The following POLQ variants were observed in gnomAD, a reference collection of about 807,000 sequenced individuals.
POLQ encodes DNA polymerase theta, also known as epididymis secretory sperm binding protein.
Under a neutral mutation model 259.2 loss-of-function variants are expected in POLQ, and 233 were observed. The observed-to-expected ratio is 0.90, with a 90% CI of 0.81 to 1.00. The LOEUF is 1.00. POLQ is among the 50% of genes least tolerant of loss of function. POLQ has a pLI of 0.00. For synonymous variants in POLQ, 1,025 were observed against 1,048.8 expected, an observed-to-expected ratio of 0.98 and a Z score of 0.44; for missense variants, 2,871 against 3,051.6, an observed-to-expected ratio of 0.94 and a Z score of 1.39.
At chr3:121,517,554 C>T (rs917047257) in intron 9 of POLQ, among the ~76,000 whole-genome samples, 1 of 152,116 alleles carries the variant, frequency 6.6e-6, no homozygotes, top group Non-Finnish European at 1.5e-5. Context: ...TTATATTTCC[C>T]AGCCTCTCTT....
Position 121,545,909 on chromosome 3 carries a change from C to T in POLQ, c.-32G>A. On this transcript the variant is annotated 5_prime_UTR_variant, in exon 1 of 30. Coordinates refer to ENST00000264233, the MANE Select transcript of POLQ (RefSeq NM_199420.4). ...CTCTTCTCGGCCGATCAGGGCAAGC[C>T]ACAGTCCCAGCGTCCTCCCTCTCGG... The T allele has an allele frequency of 8.1e-6, 13 of 1,612,642 alleles. No homozygotes were observed. Among genetic ancestry groups the T allele is most frequent in the Non-Finnish European group, 1.1e-5 (13 of 1,179,528 alleles).
chr3:121,481,564 G>A lies in POLQ; in HGVS notation c.6211+8C>T, dbSNP rs2047970148. The stretch of plus-strand genomic sequence containing the variant: ...ATAACATAAAAATGCCAGAAACTTG[G>A]TTTTTACCTTGAAGGTTTTCCTTCT... On this transcript the variant is annotated splice_region_variant and intron_variant, in intron 19 of 29. Transcript: ENST00000264233. 6.3e-7 allele frequency: 1 copy of A among 1,578,290 alleles called. No homozygotes were observed. Among genetic ancestry groups the A allele is most frequent in the Non-Finnish European group, 8.6e-7 (1 of 1,161,382 alleles).
intron 20 of POLQ, 34 bp downstream of exon 20, chr3:121,476,506 T>G: frequency 6.8e-7 from 1 of 1,468,132 alleles, no homozygotes; most frequent in Non-Finnish European, 9.4e-7. Flanking sequence ...ACTCTAAAAA[T>G]TATGTATCTA....
intron 25 of POLQ, among the ~76,000 whole-genome samples, chr3:121,458,309 A>C (rs1346873087): frequency 6.6e-6 from 1 of 151,988 alleles, no homozygotes. Context: ...TGGGTGCAGC[A>C]CACCAGCATG....
chr3:121,473,829 T>G (rs1235866133), intron 20 of POLQ, among the ~76,000 whole-genome samples: 1 of 147,924 alleles, frequency 6.8e-6, no homozygotes, highest in Non-Finnish European at 1.5e-5. Context: ...TGGGCTCAAG[T>G]GATCCTCCCA....
chr3:121,506,100 T>C (rs1471276474), intron 12 of POLQ, among the ~76,000 whole-genome samples: 1 of 151,202 alleles, frequency 6.6e-6, no homozygotes, highest in Non-Finnish European at 1.5e-5. Context: ...TCCTTAATAA[T>C]TTCAGAGCAA....
chr3:121,441,718 G>A (rs1462181963), intron 26 of POLQ, among the ~76,000 whole-genome samples: 1 of 152,100 alleles, frequency 6.6e-6, no homozygotes, highest in Non-Finnish European at 1.5e-5. Flanking sequence ...GCCTTCCTTT[G>A]GACATGCTTT....
Position 121,487,538 on chromosome 3 carries a change from G to C in POLQ, c.5393C>G (p.Pro1798Arg). 1 of 1,613,988 alleles carries C rather than the reference G, an allele frequency of 6.2e-7. No individual in the cohort carries two copies. The highest frequency in any genetic ancestry group is 8.5e-7 in the Non-Finnish European group (1 of 1,179,890). ...AAGTGAAAAGCTTGTGTCACTAATAGGGCTGTTGTCTTTGAACCCATTTCT... is the reference window on the plus strand; with the variant it reads ...AAGTGAAAAGCTTGTGTCACTAATACGGCTGTTGTCTTTGAACCCATTTCT... ...GSRNGFKDNS[P>R]ISDTSFSLQL... Residue 1798 changes from proline to arginine, a missense_variant, in exon 16 of 30, where the codon CCT becomes CGT. Around this residue, in one of 3 missense-constraint regions of POLQ, gnomAD observed 2,080 missense variants for 2,126.0 expected, o/e 0.98. Transcript: ENST00000264233.
rs73855395 is a variant in POLQ, at chr3:121,468,967, T to C, written c.6719-536A>G. Among the ~76,000 whole-genome samples the C allele has an allele frequency of 6.2e-3, 947 of 152,200 alleles. 4 individuals carry two copies. Among genetic ancestry groups the C allele is most frequent in the African/African-American group, 0.022 (911 of 41,544 alleles). The stretch of plus-strand genomic sequence containing the variant: ...GTAAATTTTCCAGTGAACAGAAAGC[T>C]GTTTTTTAAAAAAATGCTTATAAGC... On this transcript the variant is annotated intron_variant, in intron 22 of 29. Coordinates refer to ENST00000264233, the MANE Select transcript of POLQ (RefSeq NM_199420.4).
intron 5 of POLQ, 120 bp from the exon 6 acceptor site, chr3:121,533,329 T>C: frequency 1.9e-6 from 1 of 515,464 alleles, no homozygotes; most frequent in Non-Finnish European, 3.3e-6. Flanking sequence ...CTTTAGGATA[T>C]ATACCTAAGA....
chr3:121,469,378 A>G (rs966347975), intron 22 of POLQ, among the ~76,000 whole-genome samples: 3 of 151,900 alleles, frequency 2.0e-5, no homozygotes, highest in African/African-American at 7.3e-5. Context: ...TTTATGACAC[A>G]CTCTTCATTG....
chr3:121,436,309 T>C (rs2047544290), intron 27 of POLQ, 34 bp from the exon 28 acceptor site: 2 of 1,607,602 alleles, frequency 1.2e-6, no homozygotes, highest in Non-Finnish European at 1.7e-6. Flanking sequence ...CTCCACCAGA[T>C]ATGCCAACAT....
intron 12 of POLQ, 134 bp from the exon 13 acceptor site, chr3:121,498,804 G>C: frequency 1.5e-6 from 1 of 649,846 alleles, no homozygotes; most frequent in East Asian, 2.8e-5. Flanking sequence ...AGAAGGCTGA[G>C]ATGGAAAGAT....
At chr3:121,492,038 C>T (rs2048072882) in intron 15 of POLQ, among the ~76,000 whole-genome samples, 1 of 152,056 alleles carries the variant, frequency 6.6e-6, no homozygotes, top group East Asian at 1.9e-4. Context: ...CTACCCCCAC[C>T]TCCACCCCCG....
chr3:121,471,956 T>C (rs368866705), intron 22 of POLQ, 34 bp downstream of exon 22: 38 of 1,222,908 alleles, frequency 3.1e-5, no homozygotes, highest in Middle Eastern at 2.1e-4. Context: ...TCCTTCAAAA[T>C]TGGATATTGT....
At chr3:121,537,421 C>T (rs2048458662) in intron 4 of POLQ, among the ~76,000 whole-genome samples, 1 of 151,974 alleles carries the variant, frequency 6.6e-6, no homozygotes, top group African/African-American at 2.4e-5. Flanking sequence ...GCAATAGTAC[C>T]CTATTATTAA....
intron 25 of POLQ, among the ~76,000 whole-genome samples, chr3:121,458,633 ACCTCT>A (rs1237518964): frequency 6.6e-6 from 1 of 152,168 alleles, no homozygotes; most frequent in African/African-American, 2.4e-5. Context: ...TAAATGCAGA[ACCTCT>A]CCAGGGATTA....
At chr3:121,498,285 G>C (rs1576418005) in intron 13 of POLQ, among the ~76,000 whole-genome samples, 192 bp downstream of exon 13, 1 of 151,422 alleles carries the variant, frequency 6.6e-6, no homozygotes, top group African/African-American at 2.4e-5. Flanking sequence ...ACTCCAGCCT[G>C]GGCAACAAGA....
chr3:121,454,005 G>C (rs2047706349), intron 25 of POLQ, among the ~76,000 whole-genome samples: 1 of 152,194 alleles, frequency 6.6e-6, no homozygotes, highest in Admixed American at 6.5e-5. Flanking sequence ...CCCACAAAGG[G>C]AAGCCCATCA....
Sources: allele counts gnomAD v4.1 joint callset (sites outside exome capture counted in the v4.1 genomes callset), GRCh38; gene constraint gnomAD v4.1.1; regional missense constraint gnomAD v4.1.1; transcripts MANE v1.5; gene names NCBI Gene and HGNC (gene_info 2026-07-23, HGNC 2026-07-21).